SMYD3: variants seen among roughly 807,000 people sequenced by gnomAD.
SMYD3 encodes SET and MYND domain containing 3, also known as histone-lysine N-methyltransferase SMYD3.
Under a neutral mutation model 57.7 loss-of-function variants are expected in SMYD3, and 36 were observed. That is an observed-to-expected ratio of 0.62 (90% confidence interval 0.48 to 0.82). The LOEUF (loss-of-function observed/expected upper bound fraction) is 0.82, where lower values mean the gene tolerates loss of function less well. SMYD3 is among the 40% of genes least tolerant of loss of function. SMYD3 has a pLI of 0.00. For synonymous variants in SMYD3, 211 were observed against 195.0 expected (o/e 1.08, Z -0.68); for missense variants, 515 against 538.8 (o/e 0.96, Z 0.44).
At chr1:245,875,961 G>T (rs1388477257) in intron 8 of SMYD3, among the ~76,000 whole-genome samples, 4 of 152,178 alleles carry the variant, frequency 2.6e-5, no homozygotes, top group African/African-American at 9.7e-5. Context: ...TTCATTCAGA[G>T]GACTTAATAT....
At chr1:245,816,790 C>T (rs187920226) in intron 10 of SMYD3, among the ~76,000 whole-genome samples, 427 of 152,208 alleles carry the variant, frequency 2.8e-3, no homozygotes, top group African/African-American at 9.6e-3. Context: ...GGGTGACGGA[C>T]GCACCTGGAA....
chr1:246,257,093 C>T (rs2063909030), intron 5 of SMYD3, among the ~76,000 whole-genome samples: 1 of 152,122 alleles, frequency 6.6e-6, no homozygotes, highest in Admixed American at 6.5e-5. Context: ...GTGGTCAATC[C>T]TGGAGTATGT....
intron 5 of SMYD3, among the ~76,000 whole-genome samples, chr1:246,321,326 T>A (rs965615399): frequency 2.0e-5 from 3 of 152,228 alleles, no homozygotes; most frequent in African/African-American, 7.2e-5. Context: ...TAGAAATTAA[T>A]AATATGTGTC....
At chr1:246,006,975 C>T (rs1375827031) in intron 5 of SMYD3, among the ~76,000 whole-genome samples, 1 of 152,222 alleles carries the variant, frequency 6.6e-6, no homozygotes, top group Non-Finnish European at 1.5e-5. Flanking sequence ...ATCCTGCTCA[C>T]TCCTCCCTTC....
chr1:246,478,341 G>A (rs532603164), intron 1 of SMYD3, among the ~76,000 whole-genome samples: 16 of 151,634 alleles, frequency 1.1e-4, no homozygotes, highest in Non-Finnish European at 2.4e-4. Flanking sequence ...GCACACATAA[G>A]TGCTCATATA....
intron 1 of SMYD3, among the ~76,000 whole-genome samples, chr1:246,500,701 C>CG (rs146127246): frequency 0.14 from 20,751 of 152,158 alleles, 1,682 homozygotes; most frequent in Non-Finnish European, 0.18. Flanking sequence ...CCTCTATCCC[C>CG]GTCCCCATGG....
At chr1:245,786,212 A>C (rs372160749) in intron 10 of SMYD3, among the ~76,000 whole-genome samples, 9 of 78,430 alleles carry the variant, frequency 1.1e-4, no homozygotes, top group Admixed American at 9.9e-4. Flanking sequence ...TGGGGTGTGG[A>C]CGGGGGGGGG....
At chr1:245,798,948 G>C (rs952830224) in intron 10 of SMYD3, among the ~76,000 whole-genome samples, 1 of 152,134 alleles carries the variant, frequency 6.6e-6, no homozygotes, top group Non-Finnish European at 1.5e-5. Context: ...ACTGCAGCCT[G>C]ATGATGTCCT....
rs141829312 is a variant in SMYD3, at chr1:245,966,809, A to AG, written c.532-36873dup. Reference sequence around the variant, plus strand: ...GATGAGCAGGCACATTCAAGGCTGTAGGGAGTACAGGGGAGGATCTGATGC... The same window carrying AG: ...GATGAGCAGGCACATTCAAGGCTGTAGGGGAGTACAGGGGAGGATCTGATGC... On this transcript the variant is annotated intron_variant, in intron 5 of 11. Transcript: ENST00000490107. Among the ~76,000 whole-genome samples the AG allele has an allele frequency of 5.7e-3, 864 of 152,260 alleles. 10 individuals carry two copies. The highest frequency in any genetic ancestry group is 0.02 in the African/African-American group (814 of 41,534).
chr1:246,467,826 A>G (rs960703466), intron 1 of SMYD3, among the ~76,000 whole-genome samples: 4 of 152,206 alleles, frequency 2.6e-5, no homozygotes, highest in Non-Finnish European at 5.9e-5. Flanking sequence ...TTACAGACAA[A>G]TATCCCTGAT....
At chr1:246,284,255 C>G (rs573948787) in intron 5 of SMYD3, among the ~76,000 whole-genome samples, 1 of 152,098 alleles carries the variant, frequency 6.6e-6, no homozygotes, top group South Asian at 2.1e-4. Flanking sequence ...GTGTTGCAAA[C>G]GCAGAACAAA....
intron 5 of SMYD3, among the ~76,000 whole-genome samples, chr1:246,198,513 T>C (rs989935058): frequency 6.6e-6 from 1 of 152,230 alleles, no homozygotes. Flanking sequence ...GGGTACATAG[T>C]ATGTTATTCA....
chr1:245,911,345 CA>C (rs1280220886), intron 8 of SMYD3, among the ~76,000 whole-genome samples: 1 of 151,958 alleles, frequency 6.6e-6, no homozygotes, highest in Non-Finnish European at 1.5e-5. Context: ...ACCATATAAC[CA>C]AACAATCCAA....
chr1:246,399,606 T>C (rs1482983151), intron 1 of SMYD3, among the ~76,000 whole-genome samples: 1 of 151,902 alleles, frequency 6.6e-6, no homozygotes, highest in Non-Finnish European at 1.5e-5. Flanking sequence ...AGCTTTCCAA[T>C]AGTGCTGGGA....
intron 5 of SMYD3, among the ~76,000 whole-genome samples, chr1:245,986,256 T>C (rs966382972): frequency 1.2e-4 from 18 of 152,214 alleles, no homozygotes; most frequent in Non-Finnish European, 7.3e-5. Context: ...TAGGAACCTG[T>C]TGGAAGATTT....
intron 5 of SMYD3, among the ~76,000 whole-genome samples, chr1:246,095,921 A>C (rs1308000465): frequency 6.6e-6 from 1 of 152,194 alleles, no homozygotes; most frequent in Non-Finnish European, 1.5e-5. Context: ...CCTGAACATC[A>C]ACTTCAACTC....
intron 5 of SMYD3, among the ~76,000 whole-genome samples, chr1:246,026,512 A>G (rs972099978): frequency 2.0e-5 from 3 of 152,220 alleles, no homozygotes; most frequent in African/African-American, 7.2e-5. Flanking sequence ...GCATGTGTGC[A>G]CTTCATGTGT....
At chr1:246,394,898 C>T (rs563086392) in intron 1 of SMYD3, among the ~76,000 whole-genome samples, 5 of 152,078 alleles carry the variant, frequency 3.3e-5, no homozygotes, top group Admixed American at 6.5e-5. Flanking sequence ...GACCCCCAAA[C>T]GTAGCTATGC....
chr1:245,928,492 T>C (rs187761158), intron 6 of SMYD3, among the ~76,000 whole-genome samples: 12 of 139,666 alleles, frequency 8.6e-5, no homozygotes, highest in Admixed American at 4.5e-4. Context: ...ATCAGCATGG[T>C]GAAACCCTGT....
Sources: allele counts gnomAD v4.1 joint callset (sites outside exome capture counted in the v4.1 genomes callset), GRCh38; gene constraint gnomAD v4.1.1; transcripts MANE v1.5; gene names NCBI Gene and HGNC (gene_info 2026-07-23, HGNC 2026-07-21).